Variants in ACVR2A observed in about 807,000 individuals in gnomAD.
ACVR2A encodes activin receptor type-2A.
In ACVR2A, 7 loss-of-function variants were observed where a neutral mutation model predicts 61.4. The ratio of observed to expected loss-of-function variants is 0.11; its 90% CI spans 0.06 to 0.21. The LOEUF (loss-of-function observed/expected upper bound fraction) is 0.21, where lower values mean the gene tolerates loss of function less well. Ranked by LOEUF, ACVR2A falls within the 10% of genes least tolerant of loss-of-function variation. ACVR2A has a pLI of 1.00. For synonymous variants in ACVR2A, 193 were observed against 208.3 expected, an observed-to-expected ratio of 0.93 and a Z score of 0.63; for missense variants, 322 against 621.7, an observed-to-expected ratio of 0.52 and a Z score of 5.13.
chr2:147,883,577 T>G (rs1686361999), intron 1 of ACVR2A, among the ~76,000 whole-genome samples: 1 of 152,192 alleles, frequency 6.6e-6, no homozygotes, highest in African/African-American at 2.4e-5. Flanking sequence ...ACTCATAATC[T>G]TGCTTCTTAA....
Position 147,915,969 on chromosome 2 carries a change from G to C in ACVR2A, c.672+635G>C, listed in dbSNP as rs192520484. The stretch of plus-strand genomic sequence containing the variant: ...GATGATTCTGTCTTCCCCATCTCTT[G>C]CTTATATACCCTGGCAGCTCATGAT... On this transcript the variant is annotated intron_variant, in intron 5 of 10. Coordinates refer to ENST00000241416, the MANE Select transcript of ACVR2A (RefSeq NM_001616.5). Among the ~76,000 whole-genome samples the C allele has an allele frequency of 5.8e-4, 88 of 151,888 alleles. 2 individuals are homozygous for C. Among genetic ancestry groups the C allele is most frequent in the African/African-American group, 2.0e-3 (85 of 41,514 alleles).
intron 10 of ACVR2A, among the ~76,000 whole-genome samples, chr2:147,926,444 C>T (rs567372601): frequency 1.3e-3 from 201 of 152,022 alleles, no homozygotes; most frequent in Non-Finnish European, 2.4e-3. Context: ...ATGCCAGACT[C>T]GGAAACTGTG....
intron 1 of ACVR2A, among the ~76,000 whole-genome samples, chr2:147,886,020 A>C (rs1686422974): frequency 6.6e-6 from 1 of 152,092 alleles, no homozygotes; most frequent in African/African-American, 2.4e-5. Context: ...ATAGTCAGAG[A>C]CTGTTAAATA....
At chr2:147,893,159 G>A (rs888636558) in intron 1 of ACVR2A, among the ~76,000 whole-genome samples, 3 of 151,988 alleles carry the variant, frequency 2.0e-5, no homozygotes, top group Non-Finnish European at 2.9e-5. Context: ...GGAATCATAC[G>A]GGACAGCCTT....
At chr2:147,881,820 T>C (rs1455658916) in intron 1 of ACVR2A, among the ~76,000 whole-genome samples, 2 of 152,128 alleles carry the variant, frequency 1.3e-5, no homozygotes, top group Non-Finnish European at 2.9e-5. Context: ...ATTCAATTAC[T>C]AAACTAAGTA....
At chr2:147,879,114 A>C (rs1374607017) in intron 1 of ACVR2A, among the ~76,000 whole-genome samples, 1 of 152,148 alleles carries the variant, frequency 6.6e-6, no homozygotes, top group Non-Finnish European at 1.5e-5. Context: ...CAAATTAGAG[A>C]TGATATTTTG....
chr2:147,903,611 G>C (rs1686921783), intron 4 of ACVR2A, among the ~76,000 whole-genome samples: 1 of 151,896 alleles, frequency 6.6e-6, no homozygotes, highest in African/African-American at 2.4e-5. Flanking sequence ...ATGACATGTG[G>C]TCTTCCATAC....
intron 1 of ACVR2A, among the ~76,000 whole-genome samples, chr2:147,846,392 G>GTGTGTGTT (rs1056732560): frequency 6.6e-6 from 1 of 151,508 alleles, no homozygotes; most frequent in Non-Finnish European, 1.5e-5. Flanking sequence ...GGGTGTGTGT[G>GTGTGTGTT]TGTGTGTTTG....
intron 1 of ACVR2A, among the ~76,000 whole-genome samples, chr2:147,875,209 G>A (rs774268476): frequency 7.9e-5 from 12 of 151,818 alleles, no homozygotes; most frequent in Admixed American, 1.3e-4. Context: ...AGATTGTTCT[G>A]TTTAAGGATT....
At position 147,927,388 on chromosome 2, in the gene ACVR2A, A is replaced by G. The variant is rs1036956450; in HGVS notation, c.*114A>G. On this transcript the variant is annotated 3_prime_UTR_variant, in exon 11 of 11. Coordinates refer to ENST00000241416, the MANE Select transcript of ACVR2A (RefSeq NM_001616.5). ...AAAATGAGTAGGATGTCTCTTGGAA[A>G]TGTTAAGAAAGAAGACCCTTTGTTG... is the stretch of plus-strand genomic sequence containing the variant. 6.7e-6 allele frequency: 7 copies of G among 1,046,256 alleles called. No homozygotes were observed. The highest frequency in any genetic ancestry group is 1.8e-5 in the South Asian group (1 of 55,496). The allele number at this position is 1,046,256 out of a possible 1,614,324, so 64.8% of individuals were successfully genotyped here.
chr2:147,892,121 G>A (rs975684739), intron 1 of ACVR2A, among the ~76,000 whole-genome samples: 1 of 151,828 alleles, frequency 6.6e-6, no homozygotes, highest in African/African-American at 2.4e-5. Flanking sequence ...ACAGGTGCGC[G>A]CCACTATGCC....
chr2:147,903,232 A>G (rs918541987), intron 4 of ACVR2A, among the ~76,000 whole-genome samples: 63 of 151,742 alleles, frequency 4.2e-4, no homozygotes, highest in African/African-American at 1.4e-3. Context: ...AAGGCATAGA[A>G]AAAAGCAGTT....
At chr2:147,907,330 A>G (rs1687011301) in intron 4 of ACVR2A, among the ~76,000 whole-genome samples, 1 of 152,142 alleles carries the variant, frequency 6.6e-6, no homozygotes, top group Admixed American at 6.5e-5. Flanking sequence ...TAATAGAATG[A>G]TTTATATTCC....
At chr2:147,887,710 A>G (rs999975471) in intron 1 of ACVR2A, among the ~76,000 whole-genome samples, 1 of 152,170 alleles carries the variant, frequency 6.6e-6, no homozygotes, top group African/African-American at 2.4e-5. Context: ...ATTACCTCAC[A>G]TATGCAGTAC....
chr2:147,913,189 T>G (rs1687160366), intron 4 of ACVR2A, among the ~76,000 whole-genome samples: 2 of 151,960 alleles, frequency 1.3e-5, no homozygotes, highest in South Asian at 4.1e-4. Context: ...AATTGTGGAT[T>G]AAATAATCTA....
intron 1 of ACVR2A, among the ~76,000 whole-genome samples, chr2:147,895,483 A>G (rs1235260596): frequency 2.6e-5 from 4 of 152,172 alleles, no homozygotes; most frequent in African/African-American, 9.7e-5. Context: ...TGAACCTTGA[A>G]TAACACCTTG....
chr2:147,897,086 G>A (rs1230236584), intron 2 of ACVR2A: 1 of 152,298 alleles, frequency 6.6e-6, no homozygotes, highest in Non-Finnish European at 1.5e-5. Flanking sequence ...TTGGCTCACC[G>A]CGACCTCCGC....
At chr2:147,903,487 C>T (rs1156327615) in intron 4 of ACVR2A, among the ~76,000 whole-genome samples, 1 of 151,750 alleles carries the variant, frequency 6.6e-6, no homozygotes, top group Non-Finnish European at 1.5e-5. Flanking sequence ...CATTTCTCTC[C>T]CTTCATCTGT....
chr2:147,859,923 T>C (rs886640734), intron 1 of ACVR2A, among the ~76,000 whole-genome samples: 9 of 152,170 alleles, frequency 5.9e-5, no homozygotes, highest in Admixed American at 2.0e-4. Context: ...TTATACCATG[T>C]TGTTTTTCCT....
Sources: gnomAD v4.1 joint callset for allele counts (sites outside exome capture counted in the v4.1 genomes callset) on GRCh38, gnomAD v4.1.1 for gene constraint, MANE v1.5 for transcripts, NCBI Gene and HGNC (gene_info 2026-07-23, HGNC 2026-07-21) for gene names.